Variants in ENOX2 observed in about 807,000 individuals in gnomAD.
The protein encoded by ENOX2 is APK1 antigen.
Under a neutral mutation model 45.0 loss-of-function variants are expected in ENOX2, and 36 were observed. That is an observed-to-expected ratio of 0.80 (90% CI 0.61 to 1.06). The LOEUF (loss-of-function observed/expected upper bound fraction) is 1.06, where lower values mean the gene tolerates loss of function less well. Ranked by LOEUF, ENOX2 falls within the 50% of genes least tolerant of loss-of-function variation. The probability of loss-of-function intolerance (pLI) is 0.00; values close to 1 mark genes in which losing one functional copy is unlikely to be tolerated. For synonymous variants in ENOX2, 174 were observed against 152.3 expected (o/e 1.14, Z -1.05); for missense variants, 423 against 462.5 (o/e 0.91, Z 0.78).
At chrX:130,679,833 C>G in intron 5 of ENOX2, 85 bp from the exon 6 acceptor site, 3 of 753,356 alleles carry the variant, frequency 4.0e-6, no homozygotes, top group Non-Finnish European at 6.0e-6. Context: ...CCTGCTATCC[C>G]TGTCAAACTT....
chrX:130,665,988 G>A (rs2148115593), intron 8 of ENOX2, among the ~76,000 whole-genome samples: 1 of 111,321 alleles, frequency 9.0e-6, no homozygotes, highest in Admixed American at 9.5e-5. Context: ...AACACCAGAG[G>A]TTTGGGGTAA....
intron 10 of ENOX2, among the ~76,000 whole-genome samples, chrX:130,638,907 A>C (rs755414579): frequency 1.7e-4 from 19 of 111,323 alleles, no homozygotes; most frequent in Admixed American, 6.7e-4. Flanking sequence ...GAATCGCTTG[A>C]ACCTGGGAGG....
At chrX:130,670,295 A>G in intron 6 of ENOX2, 97 bp from the exon 7 acceptor site, 3 of 594,347 alleles carry the variant, frequency 5.0e-6, no homozygotes, top group Non-Finnish European at 8.2e-6. Flanking sequence ...AGAGACATGA[A>G]AGACTATACA....
chrX:130,863,310 G>C (rs1603373486), intron 2 of ENOX2, among the ~76,000 whole-genome samples: 2 of 112,365 alleles, frequency 1.8e-5, no homozygotes, highest in Non-Finnish European at 1.9e-5. Context: ...TGAGCACACA[G>C]ATGTCTGTCT....
chrX:130,874,480 C>T (rs2078656334), intron 2 of ENOX2, among the ~76,000 whole-genome samples: 1 of 111,709 alleles, frequency 9.0e-6, no homozygotes, highest in Admixed American at 9.5e-5. Context: ...AGCTTAATAA[C>T]CAAGAAGAAG....
At chrX:130,625,975 T>C (rs2035537174) in intron 14 of ENOX2, among the ~76,000 whole-genome samples, 1 of 110,168 alleles carries the variant, frequency 9.1e-6, no homozygotes, top group South Asian at 4.0e-4. Flanking sequence ...CAAAAACAAA[T>C]CTGTGGACTC....
At chrX:130,756,417 T>C (rs2039356622) in intron 3 of ENOX2, among the ~76,000 whole-genome samples, 2 of 112,251 alleles carry the variant, frequency 1.8e-5, no homozygotes, top group African/African-American at 6.5e-5. Context: ...GCATGTTATA[T>C]CTTGCCTCAG....
chrX:130,690,692 GCT>G (rs777262548), intron 4 of ENOX2, among the ~76,000 whole-genome samples: 11 of 111,040 alleles, frequency 9.9e-5, no homozygotes, highest in Non-Finnish European at 1.3e-4. Flanking sequence ...CCCCTGGGTG[GCT>G]CTTTGTCTCT....
chrX:130,813,134 C>A (rs749190383), intron 2 of ENOX2, among the ~76,000 whole-genome samples: 4 of 111,713 alleles, frequency 3.6e-5, no homozygotes, highest in Non-Finnish European at 7.5e-5. Context: ...CACTTCTGGT[C>A]CCAAGCATTT....
At chrX:130,633,580 C>G (rs1036094244) in intron 12 of ENOX2, among the ~76,000 whole-genome samples, 2 of 112,863 alleles carry the variant, frequency 1.8e-5, no homozygotes, top group Non-Finnish European at 3.7e-5. Context: ...CCCTTAGGCA[C>G]AATATGGCAA....
intron 2 of ENOX2, among the ~76,000 whole-genome samples, chrX:130,892,818 T>C (rs1292512141): frequency 8.9e-6 from 1 of 112,457 alleles, no homozygotes; most frequent in Non-Finnish European, 1.9e-5. Flanking sequence ...TAGTTAATGA[T>C]ATGCATAAAA....
intron 12 of ENOX2, among the ~76,000 whole-genome samples, chrX:130,632,416 G>A (rs1231268412): frequency 1.0e-5 from 1 of 98,396 alleles, no homozygotes; most frequent in Non-Finnish European, 2.1e-5. Context: ...ATGACCAGCA[G>A]TCAAACTGAA....
chrX:130,655,004 T>C (rs758380095), intron 10 of ENOX2, among the ~76,000 whole-genome samples: 50 of 112,469 alleles, frequency 4.4e-4, no homozygotes, highest in African/African-American at 1.3e-3. Flanking sequence ...ATTTATTTCA[T>C]GGTAACACTG....
chrX:130,714,413 A>C (rs1332996197), intron 3 of ENOX2, among the ~76,000 whole-genome samples: 1 of 111,713 alleles, frequency 9.0e-6, no homozygotes, highest in Non-Finnish European at 1.9e-5. Flanking sequence ...TCCAGGGTTC[A>C]CTGCTAAAGT....
At chrX:130,626,213 T>C (rs2035543315) in intron 14 of ENOX2, among the ~76,000 whole-genome samples, 1 of 111,943 alleles carries the variant, frequency 8.9e-6, no homozygotes, top group Non-Finnish European at 1.9e-5. Context: ...CGGCAGGAAG[T>C]TGCTAAGGCG....
intron 3 of ENOX2, among the ~76,000 whole-genome samples, chrX:130,720,576 G>T (rs2038448971): frequency 8.9e-6 from 1 of 112,440 alleles, no homozygotes; most frequent in South Asian, 3.7e-4. Context: ...TTCTGGCAGA[G>T]TCCAATACAA....
chrX:130,891,886 C>T (rs777590550), intron 2 of ENOX2, among the ~76,000 whole-genome samples: 2 of 111,833 alleles, frequency 1.8e-5, no homozygotes, highest in Admixed American at 9.5e-5. Flanking sequence ...TTTCATTTTA[C>T]AGTTTGGTAT....
chrX:130,885,129 T>C lies in ENOX2; in HGVS notation c.-183+16555A>G, dbSNP rs1395813987. Among the ~76,000 whole-genome samples, 7 of 112,269 alleles carry C rather than the reference T, an allele frequency of 6.2e-5. No individual in the cohort carries two copies. In the Admixed American group the frequency reaches 6.6e-4, roughly 11 times the overall value. ...GAAATCACACACATATTCAAATAAATGCTAGACTAAAAATAGTTTTGAAAA... is the reference window on the plus strand; with the variant it reads ...GAAATCACACACATATTCAAATAAACGCTAGACTAAAAATAGTTTTGAAAA... On this transcript the variant is annotated intron_variant, in intron 2 of 14. Coordinates refer to ENST00000394363, the MANE Select transcript of ENOX2 (RefSeq NM_006375.4).
At chrX:130,860,285 T>A (rs769949991) in intron 2 of ENOX2, among the ~76,000 whole-genome samples, 27 of 112,140 alleles carry the variant, frequency 2.4e-4, no homozygotes, top group Middle Eastern at 9.2e-3. Context: ...ATTGGATTAA[T>A]CCAGGGCTCA....
Sources: allele counts gnomAD v4.1 joint callset (sites outside exome capture counted in the v4.1 genomes callset), GRCh38; gene constraint gnomAD v4.1.1; transcripts MANE v1.5; gene names NCBI Gene and HGNC (gene_info 2026-07-23, HGNC 2026-07-21).